The following LYPLAL1 variants were observed in gnomAD, a reference collection of about 807,000 sequenced individuals.
LYPLAL1 encodes the protein lysophospholipase like 1, also known as lysophospholipase-like protein 1.
Under a neutral mutation model 19.7 loss-of-function variants are expected in LYPLAL1, and 23 were observed. That is an observed-to-expected ratio of 1.17 (90% confidence interval 0.84 to 1.65). The LOEUF is 1.65. LYPLAL1 is among the 40% of genes most tolerant of loss of function. The pLI is 0.00. For synonymous variants in LYPLAL1, 119 were observed against 96.3 expected (o/e 1.24, Z -1.38); for missense variants, 355 against 279.4 (o/e 1.27, Z -1.93).
chr1:219,227,699 T>C, the LYPLAL1 span, among the ~76,000 whole-genome samples: 1 of 152,202 alleles, frequency 6.6e-6, no homozygotes, highest in Admixed American at 6.5e-5. Context: ...TCTTAGGATT[T>C]TAACACCTTA....
At chr1:219,253,095 T>G in the LYPLAL1 span, among the ~76,000 whole-genome samples, 1 of 152,060 alleles carries the variant, frequency 6.6e-6, no homozygotes, top group Non-Finnish European at 1.5e-5. Flanking sequence ...TAGTAGTTTC[T>G]GATGGTTGTA....
At chr1:219,339,748 T>G in the LYPLAL1 span, among the ~76,000 whole-genome samples, 2 of 152,060 alleles carry the variant, frequency 1.3e-5, no homozygotes, top group Non-Finnish European at 2.9e-5. Context: ...TTTGATGAGT[T>G]GGAATAAATG....
chr1:219,216,121 GTTT>G (rs1317240104), downstream of LYPLAL1, among the ~76,000 whole-genome samples: 2 of 151,622 alleles, frequency 1.3e-5, no homozygotes, highest in South Asian at 2.1e-4. Context: ...TTCATCTCTA[GTTT>G]TTTTATTTCT....
the LYPLAL1 span, among the ~76,000 whole-genome samples, chr1:219,410,484 G>A: frequency 3.9e-5 from 6 of 152,192 alleles, no homozygotes; most frequent in Non-Finnish European, 5.9e-5. Context: ...AGGTGACAGC[G>A]TGCTGGCAGT....
downstream of LYPLAL1, among the ~76,000 whole-genome samples, chr1:219,215,837 C>T (rs1659272778): frequency 6.6e-6 from 1 of 152,220 alleles, no homozygotes; most frequent in South Asian, 2.1e-4. Flanking sequence ...TTTGAAAAGA[C>T]ATTTTTTCTA....
the LYPLAL1 span, among the ~76,000 whole-genome samples, chr1:219,387,038 A>G: frequency 1.4e-4 from 21 of 152,190 alleles, no homozygotes; most frequent in African/African-American, 3.9e-4. Flanking sequence ...GATGACTGTT[A>G]TGATAAATTT....
At chr1:219,241,126 C>CTA in the LYPLAL1 span, among the ~76,000 whole-genome samples, 18 of 89,360 alleles carry the variant, frequency 2.0e-4, no homozygotes, top group East Asian at 1.4e-3. Context: ...CTCTCTCTCT[C>CTA]TCTCTCTCTA....
chr1:219,417,869 G>C, the LYPLAL1 span, among the ~76,000 whole-genome samples: 10 of 152,246 alleles, frequency 6.6e-5, no homozygotes, highest in Admixed American at 1.3e-4. Flanking sequence ...TACTGCCATG[G>C]GGCAGTGCTT....
the LYPLAL1 span, among the ~76,000 whole-genome samples, chr1:219,343,245 T>A: frequency 6.6e-6 from 1 of 152,174 alleles, no homozygotes; most frequent in Non-Finnish European, 1.5e-5. Context: ...TACAAGTGAA[T>A]AAGACAAAGA....
At chr1:219,245,696 A>G in the LYPLAL1 span, among the ~76,000 whole-genome samples, 1 of 152,248 alleles carries the variant, frequency 6.6e-6, no homozygotes, top group African/African-American at 2.4e-5. Context: ...AGAAGGATCT[A>G]TATTGTATCA....
chr1:219,337,150 T>C, the LYPLAL1 span, among the ~76,000 whole-genome samples: 1 of 75,386 alleles, frequency 1.3e-5, no homozygotes, highest in African/African-American at 3.1e-5. Context: ...CGTGATTACA[T>C]TGGGCATTGG....
the LYPLAL1 span, among the ~76,000 whole-genome samples, chr1:219,395,417 T>C: frequency 6.6e-6 from 1 of 152,168 alleles, no homozygotes; most frequent in Non-Finnish European, 1.5e-5. Flanking sequence ...TGGCTACATG[T>C]ATGTCTTCTT....
At chr1:219,220,157 A>G in the LYPLAL1 span, among the ~76,000 whole-genome samples, 2 of 152,134 alleles carry the variant, frequency 1.3e-5, no homozygotes, top group African/African-American at 2.4e-5. Context: ...ACTAGATACA[A>G]AAGGGACTAG....
At chr1:219,216,466 GTTTAGTTCAGGAC>G (rs1659293695), downstream of LYPLAL1, among the ~76,000 whole-genome samples, 2 of 152,008 alleles carry the variant, frequency 1.3e-5, no homozygotes, top group African/African-American at 4.8e-5. Flanking sequence ...GCAGAGCAGT[GTTTAGTTCAGGAC>G]TAATGTTGCC....
the LYPLAL1 span, among the ~76,000 whole-genome samples, chr1:219,283,324 G>A: frequency 1.5e-4 from 23 of 152,108 alleles, no homozygotes; most frequent in Non-Finnish European, 2.8e-4. Context: ...GTACTGTTTG[G>A]GATGGGGGCA....
the LYPLAL1 span, among the ~76,000 whole-genome samples, chr1:219,401,741 A>G: frequency 6.6e-6 from 1 of 152,184 alleles, no homozygotes; most frequent in African/African-American, 2.4e-5. Context: ...AAGTAGCAAA[A>G]TGTATAACAT....
the LYPLAL1 span, among the ~76,000 whole-genome samples, chr1:219,220,086 C>T: frequency 6.6e-6 from 1 of 152,172 alleles, no homozygotes; most frequent in East Asian, 1.9e-4. Flanking sequence ...TGTCCCATTT[C>T]AGAAGCTATA....
At chr1:219,197,583 T>G (rs1657705733) in intron 3 of LYPLAL1, among the ~76,000 whole-genome samples, 6 of 152,068 alleles carry the variant, frequency 3.9e-5, no homozygotes, top group Admixed American at 3.9e-4. Flanking sequence ...GATTTTATGA[T>G]GAAAATTTCA....
At chr1:219,217,605 A>AT (rs1243320878), downstream of LYPLAL1, among the ~76,000 whole-genome samples, 1 of 152,072 alleles carries the variant, frequency 6.6e-6, no homozygotes, top group African/African-American at 2.4e-5. Context: ...GAGACCTTCA[A>AT]TTATCTACTC....
Sources: allele counts gnomAD v4.1 joint callset (sites outside exome capture counted in the v4.1 genomes callset), GRCh38; gene constraint gnomAD v4.1.1; transcripts MANE v1.5; gene names NCBI Gene and HGNC (gene_info 2026-07-23, HGNC 2026-07-21).